The following MARCHF4 variants were observed in gnomAD, a reference collection of about 807,000 sequenced individuals.
MARCHF4 encodes the protein membrane associated ring-CH-type finger 4.
In MARCHF4, 14 loss-of-function variants were observed where a neutral mutation model predicts 43.9. The ratio of observed to expected loss-of-function variants is 0.32; its 90% confidence interval spans 0.21 to 0.50. The LOEUF (loss-of-function observed/expected upper bound fraction) is 0.50. Ranked by LOEUF, MARCHF4 falls within the 20% of genes least tolerant of loss-of-function variation. MARCHF4 has a pLI of 0.98. For synonymous variants in MARCHF4, 226 were observed against 213.3 expected (o/e 1.06, Z -0.52); for missense variants, 468 against 536.7 (o/e 0.87, Z 1.27).
intron 3 of MARCHF4, among the ~76,000 whole-genome samples, chr2:216,263,525 GAGAGAGAGAGAGAA>G (rs1260255907): frequency 1.0e-4 from 15 of 149,044 alleles, no homozygotes; most frequent in African/African-American, 3.7e-4. Context: ...GAGAGAGAGA[GAGAGAGAGAGAGAA>G]AGAGAGAGAG....
At chr2:216,309,668 C>G (rs1559095678) in intron 1 of MARCHF4, among the ~76,000 whole-genome samples, 1 of 152,136 alleles carries the variant, frequency 6.6e-6, no homozygotes, top group Non-Finnish European at 1.5e-5. Flanking sequence ...TTATGAGCTA[C>G]AAGTACAAGA....
intron 3 of MARCHF4, 61 bp from the exon 4 acceptor site, chr2:216,259,740 A>ACTGGTGGCCTGAGAGATGCT: frequency 6.6e-7 from 1 of 1,515,290 alleles, no homozygotes; most frequent in East Asian, 2.3e-5. Flanking sequence ...CACGGCCAGG[A>ACTGGTGGCCTGAGAGATGCT]GACCACAGTC....
At chr2:216,287,949 G>T (rs1691243694) in intron 1 of MARCHF4, among the ~76,000 whole-genome samples, 1 of 151,988 alleles carries the variant, frequency 6.6e-6, no homozygotes, top group Non-Finnish European at 1.5e-5. Flanking sequence ...CCTCCTCAAG[G>T]GTAATTGTAA....
chr2:216,342,837 AGTT>A (rs1692257219), intron 1 of MARCHF4, among the ~76,000 whole-genome samples: 1 of 152,050 alleles, frequency 6.6e-6, no homozygotes, highest in Non-Finnish European at 1.5e-5. Context: ...GTTCCAGTCT[AGTT>A]CCTTCCCAGG....
chr2:216,364,245 T>C (rs185354508), intron 1 of MARCHF4, among the ~76,000 whole-genome samples: 1 of 152,054 alleles, frequency 6.6e-6, no homozygotes, highest in Non-Finnish European at 1.5e-5. Context: ...CTCCTACCTA[T>C]GAAGCTGCCC....
intron 3 of MARCHF4, among the ~76,000 whole-genome samples, chr2:216,276,074 C>G (rs1051239651): frequency 6.6e-6 from 1 of 152,216 alleles, no homozygotes; most frequent in Non-Finnish European, 1.5e-5. Flanking sequence ...GCACTGCGAT[C>G]TGTGGAATTG....
chr2:216,332,976 C>T (rs1692103432), intron 1 of MARCHF4, among the ~76,000 whole-genome samples: 1 of 152,140 alleles, frequency 6.6e-6, no homozygotes, highest in African/African-American at 2.4e-5. Context: ...AAAAAAAGTG[C>T]ATCTTGAACC....
intron 1 of MARCHF4, among the ~76,000 whole-genome samples, chr2:216,314,100 T>G (rs562746136): frequency 3.3e-4 from 51 of 152,254 alleles, no homozygotes; most frequent in Non-Finnish European, 6.9e-4. Context: ...CAAGATACTG[T>G]TTGGAAAGAC....
At chr2:216,261,257 T>C (rs2105930075) in intron 3 of MARCHF4, among the ~76,000 whole-genome samples, 1 of 152,338 alleles carries the variant, frequency 6.6e-6, no homozygotes, top group South Asian at 2.1e-4. Context: ...CTTCTGGTTC[T>C]TTCTGGAGGC....
At chr2:216,341,085 G>A (rs1160890447) in intron 1 of MARCHF4, among the ~76,000 whole-genome samples, 1 of 152,160 alleles carries the variant, frequency 6.6e-6, no homozygotes, top group African/African-American at 2.4e-5. Context: ...CTGGGCCCCA[G>A]GAAAGCAGTC....
At chr2:216,260,860 G>A (rs904959891) in intron 3 of MARCHF4, among the ~76,000 whole-genome samples, 1 of 152,198 alleles carries the variant, frequency 6.6e-6, no homozygotes, top group African/African-American at 2.4e-5. Context: ...GTGATGTCAT[G>A]CGGGTTGGAA....
At chr2:216,352,257 C>A (rs549667392) in intron 1 of MARCHF4, among the ~76,000 whole-genome samples, 2 of 152,310 alleles carry the variant, frequency 1.3e-5, no homozygotes, top group East Asian at 1.9e-4. Context: ...TCCTGTGTCC[C>A]CCTTCCTCAA....
intron 1 of MARCHF4, among the ~76,000 whole-genome samples, chr2:216,339,169 C>T (rs1692201355): frequency 6.6e-6 from 1 of 152,188 alleles, no homozygotes; most frequent in African/African-American, 2.4e-5. Context: ...AGAGGACAGA[C>T]CTAGTCACCA....
intron 3 of MARCHF4, 25 bp from the exon 4 acceptor site, chr2:216,259,704 C>G (rs1690710637): frequency 1.2e-6 from 2 of 1,605,820 alleles, no homozygotes. Context: ...AGAGGAGAAA[C>G]AGAGGCCAAA....
At chr2:216,342,068 T>C (rs1373123884) in intron 1 of MARCHF4, among the ~76,000 whole-genome samples, 1 of 152,220 alleles carries the variant, frequency 6.6e-6, no homozygotes, top group African/African-American at 2.4e-5. Flanking sequence ...CTTCCCATTT[T>C]TCAAGAGGAG....
intron 1 of MARCHF4, among the ~76,000 whole-genome samples, chr2:216,302,697 A>G (rs1401378977): frequency 6.6e-6 from 1 of 151,718 alleles, no homozygotes; most frequent in Non-Finnish European, 1.5e-5. Context: ...CAGGAGTTCA[A>G]GACCAGCCTG....
At chr2:216,329,327 G>C (rs918913641) in intron 1 of MARCHF4, among the ~76,000 whole-genome samples, 4 of 152,198 alleles carry the variant, frequency 2.6e-5, no homozygotes, top group Admixed American at 1.3e-4. Flanking sequence ...CTTGCAGTGA[G>C]CCGAGATGGC....
chr2:216,330,473 A>C (rs1692068043), intron 1 of MARCHF4, among the ~76,000 whole-genome samples: 1 of 152,236 alleles, frequency 6.6e-6, no homozygotes, highest in African/African-American at 2.4e-5. Context: ...AAAAAAATTA[A>C]CGAGGATATG....
In MARCHF4 at chr2:216,368,255, C is replaced by A. The variant is rs565325451; in HGVS notation, c.516+1490G>T. Among the ~76,000 whole-genome samples the A allele has an allele frequency of 4.6e-5, 7 of 152,298 alleles. No homozygotes were observed. The East Asian group carries it at 1.3e-3, about 29-fold the overall frequency. Reference sequence around the variant, plus strand: ...GATCCTGATATCAAAGTGAGGCACCCTCTTGTTGTCAGCCGAGCCACTCTA... The same window carrying A: ...GATCCTGATATCAAAGTGAGGCACCATCTTGTTGTCAGCCGAGCCACTCTA... On this transcript the variant is annotated intron_variant, in intron 1 of 3. Coordinates refer to ENST00000273067, the MANE Select transcript of MARCHF4 (RefSeq NM_020814.3).
Sources: gnomAD v4.1 joint callset for allele counts (sites outside exome capture counted in the v4.1 genomes callset) on GRCh38, gnomAD v4.1.1 for gene constraint, MANE v1.5 for transcripts, NCBI Gene and HGNC (gene_info 2026-07-23, HGNC 2026-07-21) for gene names.